The following OPRM1 variants were observed in gnomAD, a reference collection of about 807,000 sequenced individuals.
The protein encoded by OPRM1 is opioid receptor mu 1, also known as mu-type opioid receptor.
Under a neutral mutation model 31.8 loss-of-function variants are expected in OPRM1, and 27 were observed. The ratio of observed to expected loss-of-function variants is 0.85; its 90% confidence interval spans 0.63 to 1.17. OPRM1 has a LOEUF of 1.17. Among genes scored for constraint, OPRM1 ranks in the 50% most tolerant of loss-of-function variants. The probability of loss-of-function intolerance (pLI) is 0.00; values close to 1 mark genes in which losing one functional copy is unlikely to be tolerated. For missense variants in OPRM1, 536 were observed against 511.1 expected, an observed-to-expected ratio of 1.05 and a Z score of -0.47; for synonymous variants, 196 against 189.9, an observed-to-expected ratio of 1.03 and a Z score of -0.26.
intron 3 of OPRM1, among the ~76,000 whole-genome samples, chr6:154,161,690 G>T (rs1436311455): frequency 6.6e-6 from 1 of 152,110 alleles, no homozygotes; most frequent in African/African-American, 2.4e-5. Flanking sequence ...GTAAGTCATG[G>T]CCCCTCTTCT....
In OPRM1 at chr6:154,053,078, C is replaced by A. The variant is rs528400431; in HGVS notation, c.290+13244C>A. On this transcript the variant is annotated intron_variant, in intron 1 of 3. Transcript: ENST00000330432. Reference sequence around the variant, plus strand: ...CCCTTTATTTGACTCAGACAATCAGCAAGGTTTATTACCACCCTTAGCCAG... The same window carrying A: ...CCCTTTATTTGACTCAGACAATCAGAAAGGTTTATTACCACCCTTAGCCAG... 7.9e-5 allele frequency among the ~76,000 whole-genome samples: 12 copies of A among 152,290 alleles called. No individual in the cohort carries two copies. The East Asian group carries it at 2.1e-3, about 27-fold the overall frequency.
chr6:154,242,107 G>A (rs1259871697), intron 3 of OPRM1, among the ~76,000 whole-genome samples: 5 of 152,056 alleles, frequency 3.3e-5, no homozygotes, highest in South Asian at 2.1e-4. Flanking sequence ...CAATATAATC[G>A]CTAACACAGT....
intron 3 of OPRM1, among the ~76,000 whole-genome samples, chr6:154,222,069 G>A (rs890524169): frequency 4.6e-5 from 7 of 152,154 alleles, no homozygotes; most frequent in South Asian, 2.1e-4. Context: ...ATTTTTATAG[G>A]AGAATAATCA....
At chr6:154,171,177 A>C (rs1480899723) in intron 3 of OPRM1, among the ~76,000 whole-genome samples, 2 of 152,260 alleles carry the variant, frequency 1.3e-5, no homozygotes, top group African/African-American at 4.8e-5. Flanking sequence ...TGTTCACGGC[A>C]GCATTATTCA....
At position 154,109,767 on chromosome 6, in the gene OPRM1, C is replaced by CCTCT. The variant is rs60360261; in HGVS notation, c.1165-8893_1165-8890dup. Among the ~76,000 whole-genome samples the CCTCT allele has an allele frequency of 1.7e-3, 216 of 127,482 alleles. 1 individual carries two copies. The highest frequency in any genetic ancestry group is 5.3e-3 in the African/African-American group (174 of 33,096). The allele number at this position is 127,482 out of a possible 152,430, so 83.6% of individuals were successfully genotyped here. A position where few individuals can be genotyped will look rare whatever the true frequency, so the allele number is the denominator to read the frequency against. ...GCTGTGAAAAGCCCTACTCTCTCTC[C>CCTCT]CTCTCTCTCTCTCTCTCTCTCTCTC... On this transcript the variant is annotated intron_variant, in intron 3 of 3. Transcript: ENST00000330432.
intron 1 of OPRM1, among the ~76,000 whole-genome samples, chr6:154,057,783 G>A (rs1783607730): frequency 6.6e-6 from 1 of 152,130 alleles, no homozygotes; most frequent in African/African-American, 2.4e-5. Flanking sequence ...TCGGACATTT[G>A]TTACTCTCAC....
chr6:154,193,760 C>A (rs1802141409), intron 3 of OPRM1, among the ~76,000 whole-genome samples: 1 of 152,232 alleles, frequency 6.6e-6, no homozygotes, highest in African/African-American at 2.4e-5. Context: ...GGAGGAGAGG[C>A]CTGTGACAGG....
intron 3 of OPRM1, among the ~76,000 whole-genome samples, chr6:154,226,085 TGTC>T: frequency 6.6e-6 from 1 of 152,236 alleles, no homozygotes; most frequent in East Asian, 1.9e-4. Flanking sequence ...CTTGTTCTCC[TGTC>T]TGTTTCTTAA....
At chr6:154,232,973 T>TC (rs1372706858) in intron 3 of OPRM1, among the ~76,000 whole-genome samples, 2 of 150,550 alleles carry the variant, frequency 1.3e-5, no homozygotes, top group Non-Finnish European at 3.0e-5. Flanking sequence ...TCTTTTCTTT[T>TC]TTTTTTTTTT....
At chr6:154,081,487 C>A (rs1316026988) in intron 1 of OPRM1, among the ~76,000 whole-genome samples, 1 of 152,034 alleles carries the variant, frequency 6.6e-6, no homozygotes, top group Non-Finnish European at 1.5e-5. Flanking sequence ...GCCTGGGCAA[C>A]AGAGTGAGAC....
chr6:154,103,077 T>G (rs1795100262), intron 3 of OPRM1, among the ~76,000 whole-genome samples: 1 of 152,182 alleles, frequency 6.6e-6, no homozygotes, highest in Non-Finnish European at 1.5e-5. Flanking sequence ...ATGAAGATAT[T>G]GTTAGAGAAC....
rs2128554699 is a variant in OPRM1, at chr6:154,168,938, C to T, written c.1164+77466C>T. Among the ~76,000 whole-genome samples, 1 of 151,858 alleles carries T rather than the reference C, an allele frequency of 6.6e-6. No homozygotes were observed. Among genetic ancestry groups the T allele is most frequent in the Admixed American group, 6.6e-5 (1 of 15,234 alleles). On this transcript the variant is annotated intron_variant, in intron 3 of 3. Transcript: ENST00000337049. The surrounding 1 kb of genome is among the most constrained non-coding windows in gnomAD (Gnocchi z 4.1). ...TGAATTTTAGAGGGACACAATTCAA[C>T]CCATACATAGTCCACCCTCCGGCCT...
intron 3 of OPRM1, among the ~76,000 whole-genome samples, chr6:154,116,394 T>C (rs748300808): frequency 2.3e-4 from 35 of 152,066 alleles, no homozygotes; most frequent in Non-Finnish European, 5.9e-5. Context: ...CAGACCAGCC[T>C]GGCCAACATG....
intron 3 of OPRM1, among the ~76,000 whole-genome samples, chr6:154,106,391 A>G (rs1470060661): frequency 6.6e-6 from 1 of 152,226 alleles, no homozygotes; most frequent in Non-Finnish European, 1.5e-5. Context: ...AGAAGTGCAG[A>G]TAAGAGCTGG....
chr6:154,192,796 G>C (rs372671059), intron 3 of OPRM1, among the ~76,000 whole-genome samples: 1 of 152,246 alleles, frequency 6.6e-6, no homozygotes, highest in East Asian at 1.9e-4. Context: ...CTAATTGCCA[G>C]GGAAATGCAA....
At chr6:154,063,649 C>T (rs1325467016) in intron 1 of OPRM1, among the ~76,000 whole-genome samples, 1 of 151,896 alleles carries the variant, frequency 6.6e-6, no homozygotes, top group Non-Finnish European at 1.5e-5. Context: ...ACAATAATAC[C>T]CATTCGTTCT....
chr6:154,222,895 G>T (rs931570750), intron 3 of OPRM1: 31 of 450,696 alleles, frequency 6.9e-5, no homozygotes, highest in South Asian at 2.6e-4. Context: ...CAGTCCTGGA[G>T]GGGGTTTATT....
chr6:154,062,966 T>C (rs1784686909), intron 1 of OPRM1, among the ~76,000 whole-genome samples: 1 of 152,004 alleles, frequency 6.6e-6, no homozygotes, highest in Admixed American at 6.6e-5. Flanking sequence ...AATTTCAGCT[T>C]CCTAAACAGT....
intron 1 of OPRM1, among the ~76,000 whole-genome samples, chr6:154,068,476 G>A (rs929224775): frequency 1.3e-5 from 2 of 152,000 alleles, no homozygotes; most frequent in Admixed American, 6.6e-5. Context: ...TTCTGTGCCT[G>A]GCTTATTGCA....
Sources: allele counts gnomAD v4.1 joint callset (sites outside exome capture counted in the v4.1 genomes callset), GRCh38; gene constraint gnomAD v4.1.1; non-coding constraint Gnocchi (gnomAD v3.1); transcripts MANE v1.5; gene names NCBI Gene and HGNC (gene_info 2026-07-23, HGNC 2026-07-21).